SEMA6C: variants seen among roughly 807,000 people sequenced by gnomAD.
The protein encoded by SEMA6C is semaphorin-6C.
A neutral mutation model predicts 72.9 loss-of-function variants in SEMA6C; 37 were observed. The ratio of observed to expected loss-of-function variants is 0.51; its 90% CI spans 0.39 to 0.67. SEMA6C has a LOEUF of 0.67. Among genes scored for constraint, SEMA6C ranks in the 30% least tolerant of loss-of-function variants. The pLI is 0.00. For missense variants in SEMA6C, 1,189 were observed against 1,263.6 expected, an observed-to-expected ratio of 0.94 and a Z score of 0.89; for synonymous variants, 578 against 554.1, an observed-to-expected ratio of 1.04 and a Z score of -0.61.
intron 16 of SEMA6C, 55 bp from the exon 17 acceptor site, chr1:151,134,730 T>G (rs919841099): frequency 6.2e-7 from 1 of 1,612,582 alleles, no homozygotes; most frequent in Middle Eastern, 1.6e-4. Context: ...TATCTCCCAC[T>G]CTGGCCCTCA....
Position 151,137,819 on chromosome 1 carries a change from G to C in SEMA6C, c.668-20C>G, listed in dbSNP as rs769828426. 7 of 1,610,930 alleles carry C rather than the reference G, an allele frequency of 4.3e-6. No individual in the cohort carries two copies. In the East Asian group the frequency reaches 1.3e-4, roughly 31 times the overall value. The stretch of plus-strand genomic sequence containing the variant: ...GTGGCTCTAAGATGGGGAATGACAG[G>C]AAAGGGTATAGAAGAGTATCTGTAC... On this transcript the variant is annotated intron_variant, in intron 9 of 18. Transcript: ENST00000368914.
In SEMA6C at chr1:151,136,546, C is replaced by A. The variant is rs368620962; in HGVS notation, c.1008G>T (p.Leu336=). The part of the protein sequence containing the change: ...IPGSAVCAFY[L]DEIERGFEGK... ...CCTCAAACCCACGCTCAATCTCATC[C>A]AGGTAGAAGGCGCAGACGGCAGAGC... The change falls in exon 12 of 19, where the codon CTG becomes CTT. Residue 336 remains leucine (L), a synonymous_variant. Coordinates refer to ENST00000368914, the MANE Select transcript of SEMA6C (RefSeq NM_030913.6). The A allele has an allele frequency of 5.0e-6, 8 of 1,613,986 alleles. No individual in the cohort carries two copies. In the Admixed American group the frequency reaches 5.0e-5, roughly 10 times the overall value.
At position 151,140,109 on chromosome 1, in the gene SEMA6C, T is replaced by G. The variant is rs751946867; in HGVS notation, c.119-19A>C. 5.6e-6 allele frequency: 9 copies of G among 1,603,208 alleles called. No homozygotes were observed. Among genetic ancestry groups the G allele is most frequent in the African/African-American group, 1.3e-5 (1 of 74,580 alleles). On this transcript the variant is annotated intron_variant, in intron 3 of 18. Transcript: ENST00000368914. ...GAAGTACCTTGAGGACACAGAGAGA[T>G]AGGATTCTGAGGATACCACAAACTT...
intron 4 of SEMA6C, 83 bp from the exon 5 acceptor site, chr1:151,139,784 G>A (rs2101638017): frequency 2.1e-6 from 3 of 1,407,032 alleles, no homozygotes; most frequent in Non-Finnish European, 2.9e-6. Flanking sequence ...GACAAACAGT[G>A]CAGACCTTCT....
At position 151,134,425 on chromosome 1, in the gene SEMA6C, A is replaced by T; in HGVS notation, c.1735T>A (p.Ser579Thr). The T allele has an allele frequency of 6.3e-7, 1 of 1,597,986 alleles. No individual in the cohort carries two copies. Among genetic ancestry groups the T allele is most frequent in the Non-Finnish European group, 8.5e-7 (1 of 1,171,906 alleles). The change falls in exon 18 of 19, where the codon TCT becomes ACT. Residue 579 changes from serine (S) to threonine (T), a missense_variant. Coordinates refer to ENST00000368914, the MANE Select transcript of SEMA6C (RefSeq NM_030913.6). Reference sequence around the variant, plus strand: ...CCATAAGCAGAATCCCCAGGGCCAGACTGACTCCCAGTAGCTCCATCTATG... The same window carrying T: ...CCATAAGCAGAATCCCCAGGGCCAGTCTGACTCCCAGTAGCTCCATCTATG... ...DCQDGATGSQ[S>T]GPGDSAYGVR...
At chr1:151,134,701 G>A (rs375844427) in intron 16 of SEMA6C, 26 bp from the exon 17 acceptor site, 2 of 1,613,728 alleles carry the variant, frequency 1.2e-6, no homozygotes, top group Non-Finnish European at 1.7e-6. Flanking sequence ...AGTGGCTATA[G>A]AATTCTGTAC....
At position 151,146,592 on chromosome 1, in the gene SEMA6C, T is replaced by A. The variant is rs1030797362; in HGVS notation, c.-264A>T. On this transcript the variant is annotated 5_prime_UTR_variant, in exon 1 of 19. Transcript: ENST00000368914. The surrounding 1 kb of genome is among the most constrained non-coding windows in gnomAD (Gnocchi z 4.6). ...TTCCAGGGCGCTGTCGGGAGAGCCCTGGGTCCAAGTCCAGCCGCGGATCCG... is the reference window on the plus strand; with the variant it reads ...TTCCAGGGCGCTGTCGGGAGAGCCCAGGGTCCAAGTCCAGCCGCGGATCCG... 2 of 152,376 alleles carry A rather than the reference T, an allele frequency of 1.3e-5. No individual in the cohort carries two copies. Among genetic ancestry groups the A allele is most frequent in the African/African-American group, 2.4e-5 (1 of 41,578 alleles). 9.4% of individuals were successfully genotyped at this position (152,376 alleles called of 1,614,324 possible).
In SEMA6C at chr1:151,145,134, C is replaced by G. The variant is rs74127535; in HGVS notation, c.-104-700G>C. On this transcript the variant is annotated intron_variant, in intron 1 of 18. Transcript: ENST00000368914. This position sits in a 1 kb window ranked among gnomAD's most constrained non-coding sequence, Gnocchi z 4.4. The stretch of plus-strand genomic sequence containing the variant: ...CCCTGGAAGAATCCGAGCTGCTTCA[C>G]ACACCCCATCTGAAGCACATGGGAG... 0.021 allele frequency: 3,207 copies of G among 152,420 alleles called. 96 individuals carry two copies. The highest frequency in any genetic ancestry group is 0.072 in the African/African-American group (3,013 of 41,572). 9.4% of individuals were successfully genotyped at this position (152,420 alleles called of 1,614,324 possible). A position where few individuals can be genotyped will look rare whatever the true frequency, so the allele number is the denominator to read the frequency against.
chr1:151,139,885 T>TC (rs764375958), intron 4 of SEMA6C, 91 bp downstream of exon 4: 553 of 1,306,550 alleles, frequency 4.2e-4, no homozygotes, highest in Non-Finnish European at 5.3e-4. Flanking sequence ...CCTGCATGTG[T>TC]CCCCTGCAAG....
In SEMA6C at chr1:151,132,097, T is replaced by G; in HGVS notation, c.*387A>C. ...TTGGGAAGCGGAGGCTCCTACACAG[T>G]AGGAGAGGCACGTCCCAGACCCAGA... On this transcript the variant is annotated 3_prime_UTR_variant, in exon 19 of 19. Transcript: ENST00000368914. The G allele has an allele frequency of 1.4e-5, 11 of 780,354 alleles. No individual in the cohort carries two copies. The highest frequency in any genetic ancestry group is 6.0e-5 in the East Asian group (1 of 16,632). 48.3% of individuals were successfully genotyped at this position (780,354 alleles called of 1,614,324 possible).
chr1:151,141,984 T>A (rs766152728), intron 3 of SEMA6C, among the ~76,000 whole-genome samples: 4 of 151,764 alleles, frequency 2.6e-5, no homozygotes, highest in Non-Finnish European at 5.9e-5. Context: ...ACACAGCTAG[T>A]GAGCAGCTTG....
chr1:151,132,916 G>T lies in SEMA6C; in HGVS notation c.2361C>A (p.Pro787=), dbSNP rs749487035. The T allele has an allele frequency of 1.1e-5, 15 of 1,381,766 alleles. No individual in the cohort carries two copies. In the African/African-American group the frequency reaches 1.9e-4, roughly 17 times the overall value. 85.6% of individuals were successfully genotyped at this position (1,381,766 alleles called of 1,614,324 possible). A position where few individuals can be genotyped will look rare whatever the true frequency, so the allele number is the denominator to read the frequency against. The change falls in exon 19 of 19, where the codon CCC becomes CCA. Residue 787 remains proline, a synonymous_variant. Transcript: ENST00000368914. ...PQPPRKGAEP[P]APLTSRALPP... ...GGAGCGCCCGCGAGGTTAAAGGGGC[G>T]GGGGGCTCGGCCCCCTTTCTGGGCG...
chr1:151,131,759 C>T lies in SEMA6C; in HGVS notation c.*725G>A, dbSNP rs1264465598. ...TCTCAAAAAATTCCCTCCGCCGCCCCATCCCATAGACTAGGCCTTTAAGAA... is the reference window on the plus strand; with the variant it reads ...TCTCAAAAAATTCCCTCCGCCGCCCTATCCCATAGACTAGGCCTTTAAGAA... On this transcript the variant is annotated 3_prime_UTR_variant, in exon 19 of 19. Coordinates refer to ENST00000368914, the MANE Select transcript of SEMA6C (RefSeq NM_030913.6). The T allele has an allele frequency of 1.3e-5, 2 of 154,394 alleles. No homozygotes were observed. Among genetic ancestry groups the T allele is most frequent in the Admixed American group, 6.4e-5 (1 of 15,712 alleles). The allele number at this position is 154,394 out of a possible 1,614,324, so 9.6% of individuals were successfully genotyped here.
At chr1:151,140,173 G>T in intron 3 of SEMA6C, 83 bp from the exon 4 acceptor site, 1 of 1,089,918 alleles carries the variant, frequency 9.2e-7, no homozygotes, top group Non-Finnish European at 1.4e-6. Flanking sequence ...CCCAGCAGTG[G>T]ACACAGTGGA....
Position 151,133,587 on chromosome 1 carries a change from G to T in SEMA6C, c.1760-70C>A. The T allele has an allele frequency of 1.6e-5, 23 of 1,438,506 alleles. No homozygotes were observed. The South Asian group carries it at 3.1e-4, about 19-fold the overall frequency. The allele number at this position is 1,438,506 out of a possible 1,614,324, so 89.1% of individuals were successfully genotyped here. A position where few individuals can be genotyped will look rare whatever the true frequency, so the allele number is the denominator to read the frequency against. On this transcript the variant is annotated intron_variant, in intron 18 of 18. Transcript: ENST00000368914. This position sits in a 1 kb window ranked among gnomAD's most constrained non-coding sequence, Gnocchi z 5.9. Reference sequence around the variant, plus strand: ...GTGCGGGGTACCTAGGCCCAGAGGCGCCGGCAGTTCCCAGGCCTGACATCA... The same window carrying T: ...GTGCGGGGTACCTAGGCCCAGAGGCTCCGGCAGTTCCCAGGCCTGACATCA...
intron 10 of SEMA6C, among the ~76,000 whole-genome samples, chr1:151,137,445 CAA>C (rs5777762): frequency 1.9e-5 from 2 of 105,290 alleles, no homozygotes; most frequent in African/African-American, 3.6e-5. Flanking sequence ...GACTCCGTCT[CAA>C]AAAAAAAAAA....
Position 151,134,784 on chromosome 1 carries a change from G to A in SEMA6C, c.1658+14C>T. 1.9e-6 allele frequency: 3 copies of A among 1,613,638 alleles called. No individual in the cohort carries two copies. Among genetic ancestry groups the A allele is most frequent in the Admixed American group, 3.3e-5 (2 of 60,012 alleles). ...GAATTTTATGCTCAGGAAACCCAAG[G>A]ACCCATCACTTACCCACCAGATCCC... On this transcript the variant is annotated intron_variant, in intron 16 of 18. Coordinates refer to ENST00000368914, the MANE Select transcript of SEMA6C (RefSeq NM_030913.6).
chr1:151,140,277 T>C (rs587682867), intron 3 of SEMA6C, among the ~76,000 whole-genome samples, 187 bp from the exon 4 acceptor site: 1 of 152,342 alleles, frequency 6.6e-6, no homozygotes, highest in East Asian at 1.9e-4. Context: ...TTTACACGCA[T>C]TGTCTCATTT....
intron 18 of SEMA6C, chr1:151,134,012 G>A: frequency 6.5e-7 from 1 of 1,539,460 alleles, no homozygotes; most frequent in South Asian, 1.2e-5. Context: ...GGGCATCACT[G>A]GGAGGACTGG....
Sources: gnomAD v4.1 joint callset for allele counts (sites outside exome capture counted in the v4.1 genomes callset) on GRCh38, gnomAD v4.1.1 for gene constraint, Gnocchi (gnomAD v3.1) non-coding constraint, MANE v1.5 for transcripts, NCBI Gene and HGNC (gene_info 2026-07-23, HGNC 2026-07-21) for gene names.